The following SPAG16 variants were observed in gnomAD, a reference collection of about 807,000 sequenced individuals.
The protein encoded by SPAG16 is sperm-associated antigen 16 protein.
Under a neutral mutation model 80.4 loss-of-function variants are expected in SPAG16, and 86 were observed. The observed-to-expected ratio is 1.07, with a 90% CI of 0.90 to 1.28. The LOEUF is 1.28. Ranked by LOEUF, SPAG16 falls within the 50% of genes most tolerant of loss-of-function variation. The pLI, the probability that SPAG16 is intolerant of heterozygous loss-of-function variation, is 0.00. For missense variants in SPAG16, 870 were observed against 765.3 expected, an observed-to-expected ratio of 1.14 and a Z score of -1.61; for synonymous variants, 294 against 265.9, an observed-to-expected ratio of 1.11 and a Z score of -1.03.
chr2:214,260,791 T>C (rs1441905081), intron 15 of SPAG16, among the ~76,000 whole-genome samples: 2 of 152,018 alleles, frequency 1.3e-5, no homozygotes, highest in Non-Finnish European at 2.9e-5. Flanking sequence ...GCCTCTCTCC[T>C]GGCACCATAG....
chr2:213,495,815 A>G (rs2074454771), intron 10 of SPAG16, among the ~76,000 whole-genome samples: 1 of 152,184 alleles, frequency 6.6e-6, no homozygotes, highest in African/African-American at 2.4e-5. Flanking sequence ...GAGAACAGCA[A>G]ATGCAAAGCC....
At chr2:213,762,546 T>G (rs964207174) in intron 10 of SPAG16, among the ~76,000 whole-genome samples, 6 of 152,164 alleles carry the variant, frequency 3.9e-5, no homozygotes, top group East Asian at 1.9e-4. Context: ...GGAGAAATAA[T>G]AGTTGTTTCA....
chr2:213,892,667 T>TA (rs1393823421), intron 11 of SPAG16, among the ~76,000 whole-genome samples: 1 of 151,758 alleles, frequency 6.6e-6, no homozygotes, highest in East Asian at 1.9e-4. Context: ...TAAGCTGAAG[T>TA]AAAAAATTCA....
chr2:213,767,176 G>A (rs938302638), intron 10 of SPAG16, among the ~76,000 whole-genome samples: 2 of 152,100 alleles, frequency 1.3e-5, no homozygotes, highest in African/African-American at 4.8e-5. Context: ...ATACATTGTT[G>A]GGCTTGTCTT....
chr2:214,198,986 T>C (rs1218692857), intron 15 of SPAG16, among the ~76,000 whole-genome samples: 1 of 152,164 alleles, frequency 6.6e-6, no homozygotes, highest in Admixed American at 6.6e-5. Flanking sequence ...GAGTTCCTTG[T>C]AGATTCTGGA....
chr2:214,178,639 C>T (rs1025917390), intron 15 of SPAG16, among the ~76,000 whole-genome samples: 3 of 151,162 alleles, frequency 2.0e-5, no homozygotes, highest in African/African-American at 7.3e-5. Context: ...GAAAATATGT[C>T]GATAACAAAT....
chr2:213,786,466 C>T (rs2070350616), intron 10 of SPAG16, among the ~76,000 whole-genome samples: 1 of 152,096 alleles, frequency 6.6e-6, no homozygotes, highest in African/African-American at 2.4e-5. Flanking sequence ...TTTTAGCTAG[C>T]CATACAGAAA....
intron 12 of SPAG16, among the ~76,000 whole-genome samples, chr2:214,000,258 C>T (rs1262522353): frequency 6.6e-6 from 1 of 152,164 alleles, no homozygotes; most frequent in Non-Finnish European, 1.5e-5. Context: ...TTCCCCCACA[C>T]TGTTCTCAGG....
intron 10 of SPAG16, among the ~76,000 whole-genome samples, chr2:213,514,553 G>C (rs1292242546): frequency 6.6e-6 from 1 of 151,288 alleles, no homozygotes; most frequent in Non-Finnish European, 1.5e-5. Context: ...TGCCATGCTG[G>C]TGCGCTGCAC....
intron 10 of SPAG16, among the ~76,000 whole-genome samples, chr2:213,801,577 G>A (rs536872837): frequency 1.3e-5 from 2 of 152,280 alleles, no homozygotes; most frequent in East Asian, 3.9e-4. Context: ...AAGCCAAGTA[G>A]ACCTATGTGC....
At chr2:213,951,005 C>T (rs904917579) in intron 12 of SPAG16, among the ~76,000 whole-genome samples, 2 of 141,170 alleles carry the variant, frequency 1.4e-5, no homozygotes, top group African/African-American at 5.4e-5. Context: ...AGCCACCACG[C>T]CTAGCCTGAC....
chr2:213,750,557 A>T (rs1435245866), intron 10 of SPAG16, among the ~76,000 whole-genome samples: 1 of 152,100 alleles, frequency 6.6e-6, no homozygotes, highest in African/African-American at 2.4e-5. Context: ...TTGTTGGTAA[A>T]TTCCAATCGA....
At chr2:213,559,827 T>A (rs1177111310) in intron 10 of SPAG16, among the ~76,000 whole-genome samples, 1 of 152,092 alleles carries the variant, frequency 6.6e-6, no homozygotes, top group Non-Finnish European at 1.5e-5. Context: ...TCAACAAAGG[T>A]ACACTTAATA....
chr2:214,321,898 G>A (rs1208861929), intron 15 of SPAG16, among the ~76,000 whole-genome samples: 5 of 152,152 alleles, frequency 3.3e-5, no homozygotes, highest in Non-Finnish European at 5.9e-5. Flanking sequence ...TGTTGAGAAA[G>A]CCTGCTATAC....
chr2:214,318,223 C>T (rs917693797), intron 15 of SPAG16, among the ~76,000 whole-genome samples: 5 of 152,056 alleles, frequency 3.3e-5, no homozygotes, highest in African/African-American at 1.2e-4. Context: ...ATATGCGATA[C>T]TTGGAAGAAT....
At chr2:214,074,429 A>C (rs769618926) in intron 13 of SPAG16, among the ~76,000 whole-genome samples, 1 of 152,238 alleles carries the variant, frequency 6.6e-6, no homozygotes, top group Non-Finnish European at 1.5e-5. Flanking sequence ...TATACCTTAA[A>C]GTGAAGTGCA....
rs866366569 is a variant in SPAG16, at chr2:213,498,675, C to T, written c.1070+8585C>T. Among the ~76,000 whole-genome samples, 4 of 152,146 alleles carry T rather than the reference C, an allele frequency of 2.6e-5. No homozygotes were observed. In the Middle Eastern group the frequency reaches 0.01, roughly 388 times the overall value. On this transcript the variant is annotated intron_variant, in intron 10 of 15. Coordinates refer to ENST00000331683, the MANE Select transcript of SPAG16 (RefSeq NM_024532.5). The stretch of plus-strand genomic sequence containing the variant: ...ACCTCAAATTTAGCAGGTCTCAATA[C>T]CAGCTCTCCTTTTTCATCATTTTCC...
At chr2:213,744,240 A>C (rs751814059) in intron 10 of SPAG16, among the ~76,000 whole-genome samples, 1 of 152,188 alleles carries the variant, frequency 6.6e-6, no homozygotes, top group Non-Finnish European at 1.5e-5. Context: ...TTGTCAATGA[A>C]GTAGGTGCAC....
chr2:213,748,116 C>T (rs2067915337), intron 10 of SPAG16, among the ~76,000 whole-genome samples: 1 of 152,030 alleles, frequency 6.6e-6, no homozygotes, highest in African/African-American at 2.4e-5. Context: ...TATAAACTTA[C>T]AGCACAGTTC....
Sources: allele counts gnomAD v4.1 joint callset (sites outside exome capture counted in the v4.1 genomes callset), GRCh38; gene constraint gnomAD v4.1.1; transcripts MANE v1.5; gene names NCBI Gene and HGNC (gene_info 2026-07-23, HGNC 2026-07-21).